The following JARID2 variants were observed in gnomAD, a reference collection of about 807,000 sequenced individuals.
JARID2 encodes the protein protein Jumonji.
Under a neutral mutation model 125.6 loss-of-function variants are expected in JARID2, and 21 were observed. The observed-to-expected ratio is 0.17, with a 90% CI of 0.12 to 0.24. The LOEUF (loss-of-function observed/expected upper bound fraction) is 0.24, where lower values mean the gene tolerates loss of function less well. JARID2 is among the 10% of genes least tolerant of loss of function. The pLI is 1.00. For missense variants in JARID2, 1,303 were observed against 1,639.6 expected, an observed-to-expected ratio of 0.79 and a Z score of 3.55; for synonymous variants, 736 against 661.6, an observed-to-expected ratio of 1.11 and a Z score of -1.73.
chr6:15,282,223 G>A lies in JARID2; in HGVS notation c.45+35639G>A, dbSNP rs1049497525. ...ATCCCAAAGTGCTGAGATTACAGGC[G>A]TGAGCCACAGCGCCTGTCATGTGCT... is the stretch of plus-strand genomic sequence containing the variant. On this transcript the variant is annotated intron_variant, in intron 1 of 17. Transcript: ENST00000341776. 5.9e-5 allele frequency among the ~76,000 whole-genome samples: 9 copies of A among 152,122 alleles called. No homozygotes were observed. The East Asian group carries it at 1.4e-3, about 23-fold the overall frequency.
At chr6:15,454,132 A>G (rs1768044670) in intron 4 of JARID2, among the ~76,000 whole-genome samples, 2 of 152,114 alleles carry the variant, frequency 1.3e-5, no homozygotes, top group Non-Finnish European at 1.5e-5. Context: ...TCCTTAATAT[A>G]CTTACTTGCT....
rs1759707582 is a variant in JARID2, at chr6:15,257,449, A to G, written c.45+10865A>G. Among the ~76,000 whole-genome samples, 3 of 152,208 alleles carry G rather than the reference A, an allele frequency of 2.0e-5. No homozygotes were observed. In the South Asian group the frequency reaches 6.2e-4, roughly 31 times the overall value. On this transcript the variant is annotated intron_variant, in intron 1 of 17. Coordinates refer to ENST00000341776, the MANE Select transcript of JARID2 (RefSeq NM_004973.4). Reference sequence around the variant, plus strand: ...CTCCTGTTTGCATTTATAACTTGTCATGGTAATCAAAGACAGTGATTTTTA... The same window carrying G: ...CTCCTGTTTGCATTTATAACTTGTCGTGGTAATCAAAGACAGTGATTTTTA...
chr6:15,268,150 C>T (rs1049933757), intron 1 of JARID2, among the ~76,000 whole-genome samples: 8 of 152,140 alleles, frequency 5.3e-5, no homozygotes, highest in Non-Finnish European at 1.0e-4. Context: ...TAAAACCAAA[C>T]CTCCAAACCC....
At chr6:15,372,330 A>G (rs1255834003) in intron 1 of JARID2, among the ~76,000 whole-genome samples, 1 of 152,004 alleles carries the variant, frequency 6.6e-6, no homozygotes, top group Non-Finnish European at 1.5e-5. Context: ...AAATACCCCA[A>G]ATCATGATTT....
At position 15,420,911 on chromosome 6, in the gene JARID2, T is replaced by C. The variant is rs146164534; in HGVS notation, c.323+10546T>C. Among the ~76,000 whole-genome samples, 688 of 152,374 alleles carry C rather than the reference T, an allele frequency of 4.5e-3. 4 individuals carry two copies. Among genetic ancestry groups the C allele is most frequent in the Middle Eastern group, 0.014 (4 of 294 alleles). Reference sequence around the variant, plus strand: ...CACTATTCCTGGTGCTTTTACAATTTGGATACTGTTCCTGCTAATCCTTTC... The same window carrying C: ...CACTATTCCTGGTGCTTTTACAATTCGGATACTGTTCCTGCTAATCCTTTC... On this transcript the variant is annotated intron_variant, in intron 3 of 17. Coordinates refer to ENST00000341776, the MANE Select transcript of JARID2 (RefSeq NM_004973.4).
intron 1 of JARID2, among the ~76,000 whole-genome samples, chr6:15,313,851 A>G (rs1762094189): frequency 6.6e-6 from 1 of 152,228 alleles, no homozygotes; most frequent in South Asian, 2.1e-4. Flanking sequence ...TCCTAGGGGC[A>G]GATGATCCCT....
chr6:15,515,502 T>C (rs544222736), intron 16 of JARID2, among the ~76,000 whole-genome samples: 1 of 152,182 alleles, frequency 6.6e-6, no homozygotes, highest in South Asian at 2.1e-4. Flanking sequence ...TTAAGAAGAA[T>C]GTATTGTGAG....
Position 15,517,241 on chromosome 6 carries a change from G to A in JARID2, c.3531G>A (p.Gly1177=). ...RHVEKQKSCR[G]LKLMYRYDEE... is the part of the protein sequence containing the mutation. ...TGGAGAAACAGAAGTCCTGCCGAGG[G>A]CTGAAGTTGATGTACCGCTACGATG... is the stretch of plus-strand genomic sequence containing the variant. Residue 1177 remains glycine (G), a synonymous_variant, in exon 17 of 18, where the codon GGG becomes GGA. Coordinates refer to ENST00000341776, the MANE Select transcript of JARID2 (RefSeq NM_004973.4). The A allele has an allele frequency of 6.2e-7, 1 of 1,613,904 alleles. No individual in the cohort carries two copies.
chr6:15,293,275 C>T (rs887465645), intron 1 of JARID2, among the ~76,000 whole-genome samples: 1 of 152,134 alleles, frequency 6.6e-6, no homozygotes, highest in African/African-American at 2.4e-5. Context: ...ATTAGCCTGG[C>T]GTGGTGGTGG....
intron 1 of JARID2, among the ~76,000 whole-genome samples, chr6:15,331,295 C>G (rs1762698753): frequency 6.6e-6 from 1 of 151,692 alleles, no homozygotes. Flanking sequence ...GATTGCACCA[C>G]TGCACTCCAG....
intron 1 of JARID2, among the ~76,000 whole-genome samples, chr6:15,283,071 C>A (rs891898765): frequency 1.3e-5 from 2 of 150,664 alleles, no homozygotes; most frequent in Non-Finnish European, 3.0e-5. Flanking sequence ...CTCTGCCTCC[C>A]GGGTTCTTGC....
intron 1 of JARID2, among the ~76,000 whole-genome samples, chr6:15,289,686 C>G (rs929392516): frequency 1.3e-5 from 2 of 152,064 alleles, no homozygotes; most frequent in Non-Finnish European, 2.9e-5. Flanking sequence ...AACCCTGTCT[C>G]TACTAAAAAT....
In JARID2 at chr6:15,519,632, T is replaced by C. The variant is rs184454231; in HGVS notation, c.3559-437T>C. Among the ~76,000 whole-genome samples the C allele has an allele frequency of 2.6e-4, 39 of 152,322 alleles. 1 individual carries two copies. The highest frequency in any genetic ancestry group is 1.5e-5 in the Non-Finnish European group (1 of 68,030). On this transcript the variant is annotated intron_variant, in intron 17 of 17. Coordinates refer to ENST00000341776, the MANE Select transcript of JARID2 (RefSeq NM_004973.4). ...TTCTCTTGAGTGAATTACAAGGATATGTATAGGTTGAGAAGTGTTTGCATT... is the reference window on the plus strand; with the variant it reads ...TTCTCTTGAGTGAATTACAAGGATACGTATAGGTTGAGAAGTGTTTGCATT...
intron 1 of JARID2, among the ~76,000 whole-genome samples, chr6:15,310,673 G>A (rs182219333): frequency 1.3e-5 from 2 of 152,314 alleles, no homozygotes; most frequent in East Asian, 3.9e-4. Context: ...ATGGGCCTAA[G>A]TGTTCTGAGA....
chr6:15,505,957 TG>T (rs1770986116), intron 9 of JARID2, among the ~76,000 whole-genome samples: 1 of 152,266 alleles, frequency 6.6e-6, no homozygotes, highest in Non-Finnish European at 1.5e-5. Context: ...ACGTGTCCTG[TG>T]GGCATCTCCC....
At chr6:15,400,967 T>C (rs1170544416) in intron 2 of JARID2, 2 of 1,289,350 alleles carry the variant, frequency 1.6e-6, no homozygotes, top group East Asian at 5.5e-5. Flanking sequence ...GCTCCACGGG[T>C]CTGTCAGGTG....
chr6:15,247,739 G>C, intron 1 of JARID2: 1 of 985,354 alleles, frequency 1.0e-6, no homozygotes, highest in Non-Finnish European at 1.2e-6. Context: ...CTTCAAGAGA[G>C]CTGATCCTTA....
At chr6:15,451,243 T>A (rs1324280874) in intron 3 of JARID2, among the ~76,000 whole-genome samples, 3 of 152,204 alleles carry the variant, frequency 2.0e-5, no homozygotes, top group Non-Finnish European at 4.4e-5. Flanking sequence ...TGAAAGGAAT[T>A]GAAATGTACT....
intron 2 of JARID2, among the ~76,000 whole-genome samples, chr6:15,393,950 A>T (rs1372252085): frequency 1.3e-5 from 2 of 152,156 alleles, no homozygotes; most frequent in Admixed American, 1.3e-4. Context: ...ATAAAGGCCC[A>T]AGTATCTAGA....
Sources: gnomAD v4.1 joint callset for allele counts (sites outside exome capture counted in the v4.1 genomes callset) on GRCh38, gnomAD v4.1.1 for gene constraint, MANE v1.5 for transcripts, NCBI Gene and HGNC (gene_info 2026-07-23, HGNC 2026-07-21) for gene names.